Variants in JAML observed in about 807,000 individuals in gnomAD.
JAML encodes the protein junction adhesion molecule like.
JAML carries 25 observed loss-of-function variants against 39.3 expected under a neutral mutation model. The observed-to-expected ratio is 0.64, with a 90% confidence interval of 0.46 to 0.89. JAML has a LOEUF of 0.89. Among genes scored for constraint, JAML ranks in the 40% least tolerant of loss-of-function variants. JAML has a pLI of 0.00. For missense variants in JAML, 440 were observed against 486.9 expected, an observed-to-expected ratio of 0.90 and a Z score of 0.91; for synonymous variants, 162 against 179.2, an observed-to-expected ratio of 0.90 and a Z score of 0.77.
intron 1 of JAML, among the ~76,000 whole-genome samples, chr11:118,215,383 G>A (rs1421084470): frequency 6.6e-6 from 1 of 152,144 alleles, no homozygotes; most frequent in Non-Finnish European, 1.5e-5. Flanking sequence ...GGAAGAGGTT[G>A]GGGGAGGGAA....
rs185260360 is a variant in JAML, at chr11:118,214,992, G to A, written c.-20-106C>T. 5.0e-4 allele frequency: 475 copies of A among 943,774 alleles called. 3 individuals are homozygous for A. The African/African-American group carries it at 7.5e-3, about 15-fold the overall frequency. The allele number at this position is 943,774 out of a possible 1,614,324, so 58.5% of individuals were successfully genotyped here. Reference sequence around the variant, plus strand: ...CGGAGCAGCCTCTGTTTGAGACACTGGTATGCAGCATTGAACAAGAAAAAC... The same window carrying A: ...CGGAGCAGCCTCTGTTTGAGACACTAGTATGCAGCATTGAACAAGAAAAAC... On this transcript the variant is annotated intron_variant, in intron 1 of 9. Coordinates refer to ENST00000356289, the MANE Select transcript of JAML (RefSeq NM_001098526.2).
chr11:118,210,429 C>A, intron 4 of JAML, 58 bp downstream of exon 4: 2 of 1,554,124 alleles, frequency 1.3e-6, no homozygotes, highest in Non-Finnish European at 1.8e-6. Flanking sequence ...AGTTTCCTTG[C>A]CTCTTGCACA....
chr11:118,194,681 C>G (rs1948617497), intron 9 of JAML, among the ~76,000 whole-genome samples: 1 of 152,202 alleles, frequency 6.6e-6, no homozygotes, highest in Non-Finnish European at 1.5e-5. Context: ...CCAGGTCTGT[C>G]TAACTCCACA....
chr11:118,215,757 T>C (rs1357837164), intron 1 of JAML, among the ~76,000 whole-genome samples: 1 of 152,168 alleles, frequency 6.6e-6, no homozygotes, highest in Non-Finnish European at 1.5e-5. Flanking sequence ...TTGATATGCA[T>C]GTTATCTCTG....
intron 1 of JAML, among the ~76,000 whole-genome samples, chr11:118,218,429 G>A (rs1412956530): frequency 1.3e-5 from 2 of 152,082 alleles, no homozygotes; most frequent in Non-Finnish European, 2.9e-5. Flanking sequence ...CTTTCCTTTA[G>A]GGCATGGGCC....
intron 3 of JAML, 63 bp downstream of exon 3, chr11:118,212,344 C>G: frequency 6.4e-7 from 1 of 1,569,180 alleles, no homozygotes; most frequent in Non-Finnish European, 8.7e-7. Context: ...ACTCTTACAC[C>G]ACTCTGTCCT....
At chr11:118,211,720 G>T (rs1949063546) in intron 3 of JAML, among the ~76,000 whole-genome samples, 2 of 152,108 alleles carry the variant, frequency 1.3e-5, no homozygotes, top group African/African-American at 4.8e-5. Context: ...AAACTACTTG[G>T]GATGTTTTTC....
chr11:118,209,198 C>A, intron 4 of JAML: 1 of 250,896 alleles, frequency 4.0e-6, no homozygotes. Flanking sequence ...AACTAATACC[C>A]AGTCAAAGAG....
intron 4 of JAML, 69 bp downstream of exon 4, chr11:118,210,418 C>CAA (rs917499612): frequency 6.1e-6 from 9 of 1,481,286 alleles, no homozygotes; most frequent in Non-Finnish European, 8.4e-6. Flanking sequence ...TCAAGATAAT[C>CAA]AGTTTCCTTG....
intron 1 of JAML, among the ~76,000 whole-genome samples, chr11:118,218,051 C>G (rs1317680968): frequency 6.6e-6 from 1 of 152,224 alleles, no homozygotes; most frequent in Admixed American, 6.5e-5. Context: ...CTCGGGAAAC[C>G]TCTCTTCAAC....
chr11:118,223,582 T>C (rs1440282307), intron 1 of JAML, among the ~76,000 whole-genome samples: 4 of 152,190 alleles, frequency 2.6e-5, no homozygotes, highest in Admixed American at 2.0e-4. Context: ...ATAGATTCGG[T>C]TGGCATCATG....
chr11:118,206,129 C>T, intron 4 of JAML, 138 bp from the exon 5 acceptor site: 2 of 693,308 alleles, frequency 2.9e-6, no homozygotes, highest in Non-Finnish European at 5.1e-6. Context: ...TACGTATTCC[C>T]TCTGTACGAA....
chr11:118,196,889 AC>A, intron 8 of JAML, 68 bp from the exon 9 acceptor site: 1 of 1,342,468 alleles, frequency 7.4e-7, no homozygotes, highest in Non-Finnish European at 1.1e-6. Context: ...AGAAAAGGCC[AC>A]CCACTCCTAT....
chr11:118,198,554 G>C (rs1573580), intron 7 of JAML, among the ~76,000 whole-genome samples: 121,399 of 151,874 alleles, frequency 0.8, 48,970 homozygotes, highest in African/African-American at 0.91. Flanking sequence ...ACAAACACCC[G>C]ACCCAAGCCC....
At chr11:118,196,621 A>G in intron 9 of JAML, 114 bp downstream of exon 9, 2 of 815,466 alleles carry the variant, frequency 2.5e-6, no homozygotes, top group Non-Finnish European at 4.2e-6. Flanking sequence ...CTTTTCTGCT[A>G]CTTAGAAAAA....
At chr11:118,203,923 G>A (rs1217416020) in intron 5 of JAML, 27 of 439,746 alleles carry the variant, frequency 6.1e-5, no homozygotes, top group South Asian at 3.5e-4. Flanking sequence ...CTTTCATTTT[G>A]TGCACCTTTC....
chr11:118,201,977 C>T (rs538146241), intron 6 of JAML: 1 of 152,160 alleles, frequency 6.6e-6, no homozygotes, highest in Non-Finnish European at 1.5e-5. Flanking sequence ...CTAAGTATAT[C>T]CATGGGTGTG....
chr11:118,219,440 C>A (rs1484794354), intron 1 of JAML, among the ~76,000 whole-genome samples: 1 of 152,142 alleles, frequency 6.6e-6, no homozygotes, highest in Admixed American at 6.5e-5. Context: ...GAACAATGAA[C>A]AACTGTTCTG....
Position 118,222,281 on chromosome 11 carries a change from G to T in JAML, c.-21+2660C>A, listed in dbSNP as rs1208038917. Among the ~76,000 whole-genome samples the T allele has an allele frequency of 6.6e-6, 1 of 152,098 alleles. No individual in the cohort carries two copies. The highest frequency in any genetic ancestry group is 1.9e-4 in the East Asian group (1 of 5,192). ...AAAAAAATACAAAAATTAGCTGGATGTAGTGGCAGGCACCTGTAGTCCTAG... is the reference window on the plus strand; with the variant it reads ...AAAAAAATACAAAAATTAGCTGGATTTAGTGGCAGGCACCTGTAGTCCTAG... On this transcript the variant is annotated intron_variant, in intron 1 of 9. Transcript: ENST00000356289. The surrounding 1 kb of genome is among the most constrained non-coding windows in gnomAD (Gnocchi z 4.2).
Sources: gnomAD v4.1 joint callset for allele counts (sites outside exome capture counted in the v4.1 genomes callset) on GRCh38, gnomAD v4.1.1 for gene constraint, Gnocchi (gnomAD v3.1) non-coding constraint, MANE v1.5 for transcripts, NCBI Gene and HGNC (gene_info 2026-07-23, HGNC 2026-07-21) for gene names.